The following CCNY variants were observed in gnomAD, a reference collection of about 807,000 sequenced individuals.
The protein encoded by CCNY is cyclin Y, also known as cyclin-Y.
Under a neutral mutation model 42.8 loss-of-function variants are expected in CCNY, and 19 were observed. The observed-to-expected ratio is 0.44, with a 90% CI of 0.31 to 0.65. The LOEUF (loss-of-function observed/expected upper bound fraction) is 0.65. CCNY is among the 30% of genes least tolerant of loss of function. The pLI is 0.07. For synonymous variants in CCNY, 165 were observed against 162.7 expected (o/e 1.01, Z -0.11); for missense variants, 370 against 437.3 (o/e 0.85, Z 1.37).
chr10:35,524,918 G>A (rs1203361270), intron 4 of CCNY, among the ~76,000 whole-genome samples: 1 of 152,180 alleles, frequency 6.6e-6, no homozygotes, highest in African/African-American at 2.4e-5. Context: ...AAGATGTTTG[G>A]CAATATGTGT....
intron 1 of CCNY, among the ~76,000 whole-genome samples, chr10:35,362,412 A>G (rs1238850616): frequency 6.6e-6 from 1 of 152,118 alleles, no homozygotes; most frequent in Non-Finnish European, 1.5e-5. Flanking sequence ...GGCAGTAGGG[A>G]AGGCAGTAGG....
At chr10:35,494,238 C>CA (rs979864762) in intron 2 of CCNY, among the ~76,000 whole-genome samples, 2 of 141,018 alleles carry the variant, frequency 1.4e-5, no homozygotes, top group Non-Finnish European at 3.1e-5. Context: ...AGTGAGACCC[C>CA]CCCCCCCATT....
At chr10:35,274,266 A>T (rs2135046512) in intron 3 of CCNY, among the ~76,000 whole-genome samples, 1 of 152,290 alleles carries the variant, frequency 6.6e-6, no homozygotes, top group South Asian at 2.1e-4. Context: ...GTTCACTACC[A>T]TGAGAACTGT....
At chr10:35,312,652 GC>G (rs1225943784) in intron 3 of CCNY, among the ~76,000 whole-genome samples, 1 of 151,202 alleles carries the variant, frequency 6.6e-6, no homozygotes, top group Non-Finnish European at 1.5e-5. Flanking sequence ...ATGTGCCTCT[GC>G]CCCCCATCTT....
intron 1 of CCNY, among the ~76,000 whole-genome samples, chr10:35,413,844 A>G (rs3003985): frequency 0.053 from 8,072 of 152,218 alleles, 318 homozygotes; most frequent in African/African-American, 0.11. Context: ...TGGAGGCTCA[A>G]CTTTTCAGAA....
At chr10:35,563,827 C>T (rs1043358957) in intron 8 of CCNY, among the ~76,000 whole-genome samples, 3 of 151,926 alleles carry the variant, frequency 2.0e-5, no homozygotes, top group Admixed American at 6.6e-5. Flanking sequence ...CTGCCTCACC[C>T]TCCTGAGTAG....
chr10:35,268,287 G>C (rs2095727674), intron 3 of CCNY, among the ~76,000 whole-genome samples: 1 of 152,164 alleles, frequency 6.6e-6, no homozygotes, highest in Admixed American at 6.5e-5. Context: ...GCTGAGGCAG[G>C]TGGGTCACTT....
chr10:35,555,955 T>G (rs941189415), intron 8 of CCNY, among the ~76,000 whole-genome samples: 1 of 152,212 alleles, frequency 6.6e-6, no homozygotes, highest in Non-Finnish European at 1.5e-5. Context: ...AGCTGCTGCT[T>G]TACTCATTAA....
intron 8 of CCNY, among the ~76,000 whole-genome samples, chr10:35,563,249 C>G (rs755352542): frequency 2.0e-5 from 3 of 152,062 alleles, no homozygotes; most frequent in Non-Finnish European, 4.4e-5. Context: ...AATCTATTTT[C>G]CCAAAGCTTA....
intron 3 of CCNY, among the ~76,000 whole-genome samples, chr10:35,310,832 C>T (rs895114438): frequency 5.3e-5 from 8 of 152,250 alleles, no homozygotes; most frequent in Admixed American, 3.3e-4. Flanking sequence ...TTCACCAGGG[C>T]GAGTTCACTA....
In CCNY at chr10:35,546,173, A is replaced by G. The variant is rs114546657; in HGVS notation, c.580-6846A>G. ...AAACCAAACAGCTGAAAGACGGCAG[A>G]TTTAAAGTCCAGAAAGAAATTATAT... On this transcript the variant is annotated intron_variant, in intron 7 of 9. Coordinates refer to ENST00000374704, the MANE Select transcript of CCNY (RefSeq NM_145012.6). 7.0e-3 allele frequency among the ~76,000 whole-genome samples: 1,072 copies of G among 152,356 alleles called. 11 individuals are homozygous for G. The highest frequency in any genetic ancestry group is 0.025 in the African/African-American group (1,023 of 41,586).
At chr10:35,516,865 A>G (rs1297020073) in intron 4 of CCNY, among the ~76,000 whole-genome samples, 1 of 151,918 alleles carries the variant, frequency 6.6e-6, no homozygotes, top group Non-Finnish European at 1.5e-5. Context: ...TTTACATAGT[A>G]CTATTTACAT....
At chr10:35,290,716 C>T (rs976111259) in intron 3 of CCNY, among the ~76,000 whole-genome samples, 2 of 152,116 alleles carry the variant, frequency 1.3e-5, no homozygotes, top group Non-Finnish European at 2.9e-5. Flanking sequence ...AATCCCAGTA[C>T]TTTCCAAGGC....
intron 3 of CCNY, among the ~76,000 whole-genome samples, chr10:35,283,528 C>T (rs1292427524): frequency 2.0e-5 from 3 of 151,994 alleles, no homozygotes; most frequent in Non-Finnish European, 4.4e-5. Flanking sequence ...CTCAGCCTCC[C>T]AAGTAGGTGG....
chr10:35,415,290 A>G (rs1037322504), intron 1 of CCNY, among the ~76,000 whole-genome samples: 1 of 151,906 alleles, frequency 6.6e-6, no homozygotes, highest in African/African-American at 2.4e-5. Flanking sequence ...TGAGGGCAGG[A>G]GGGCTGTGTT....
intron 1 of CCNY, among the ~76,000 whole-genome samples, chr10:35,431,922 A>G (rs891467075): frequency 2.6e-5 from 4 of 152,136 alleles, no homozygotes; most frequent in African/African-American, 9.7e-5. Context: ...TAAAATAAAG[A>G]CATCATGGAT....
chr10:35,308,145 A>T (rs1313066547), intron 3 of CCNY, among the ~76,000 whole-genome samples: 2 of 151,820 alleles, frequency 1.3e-5, no homozygotes, highest in African/African-American at 4.8e-5. Context: ...TGGATAAAGA[A>T]ATTGAGGTTT....
At chr10:35,335,782 A>AAAAGTT (rs1230367258), upstream of CCNY, 4 of 152,008 alleles carry the variant, frequency 2.6e-5, no homozygotes, top group African/African-American at 9.7e-5. Flanking sequence ...CATCTCTACA[A>AAAAGTT]AAAGTTAACA....
chr10:35,296,505 C>T (rs1180527248), intron 3 of CCNY, among the ~76,000 whole-genome samples: 1 of 151,982 alleles, frequency 6.6e-6, no homozygotes, highest in African/African-American at 2.4e-5. Context: ...TGCTTGAATC[C>T]GGGAGGCAGA....
Sources: gnomAD v4.1 joint callset for allele counts (sites outside exome capture counted in the v4.1 genomes callset) on GRCh38, gnomAD v4.1.1 for gene constraint, MANE v1.5 for transcripts, NCBI Gene and HGNC (gene_info 2026-07-23, HGNC 2026-07-21) for gene names.